The following CHST9 variants were observed in gnomAD, a reference collection of about 807,000 sequenced individuals.
The protein encoded by CHST9 is GalNAc-4-sulfotransferase 2.
In CHST9, 41 loss-of-function variants were observed where a neutral mutation model predicts 44.4. The ratio of observed to expected loss-of-function variants is 0.92; its 90% CI spans 0.72 to 1.20. The LOEUF is 1.20. Ranked by LOEUF, CHST9 falls within the 50% of genes most tolerant of loss-of-function variation. The pLI, the probability that CHST9 is intolerant of heterozygous loss-of-function variation, is 0.00. For synonymous variants in CHST9, 171 were observed against 178.4 expected, an observed-to-expected ratio of 0.96 and a Z score of 0.33; for missense variants, 504 against 516.5, an observed-to-expected ratio of 0.98 and a Z score of 0.23.
intron 2 of CHST9, among the ~76,000 whole-genome samples, chr18:27,053,259 AAGGAGAAGGAGAAGGAGAAGGAGAAGG>A (rs1242932917): frequency 1.8e-4 from 13 of 70,916 alleles, no homozygotes; most frequent in African/African-American, 4.3e-4. Context: ...GAAGAAGAAG[AAGGAGAAGGAGAAGGAGAAGGAGAAGG>A]AGAAGGAGAA....
chr18:26,943,594 A>G (rs907930583), intron 5 of CHST9, among the ~76,000 whole-genome samples: 2 of 152,230 alleles, frequency 1.3e-5, no homozygotes, highest in Admixed American at 1.3e-4. Flanking sequence ...CCACAGGTCA[A>G]TGTCTGCATT....
At chr18:26,976,775 G>T (rs1364913431) in intron 4 of CHST9, among the ~76,000 whole-genome samples, 1 of 152,074 alleles carries the variant, frequency 6.6e-6, no homozygotes, top group Non-Finnish European at 1.5e-5. Flanking sequence ...AAGGAAGCTG[G>T]GGACAGGGGG....
At position 26,992,627 on chromosome 18, in the gene CHST9, T is replaced by G. The variant is rs901826259; in HGVS notation, c.202+31489A>C. 1.3e-4 allele frequency among the ~76,000 whole-genome samples: 20 copies of G among 152,260 alleles called. No individual in the cohort carries two copies. In the East Asian group the frequency reaches 3.3e-3, roughly 25 times the overall value. On this transcript the variant is annotated intron_variant, in intron 4 of 5. Coordinates refer to ENST00000618847, the MANE Select transcript of CHST9 (RefSeq NM_031422.6). ...ATTGCTTTGAAATTCTTTCTTTTTT[T>G]TTTTTAAAGGAATGTGATTTTGTGT...
At chr18:27,162,501 T>C (rs568275836) in intron 1 of CHST9, among the ~76,000 whole-genome samples, 1 of 152,322 alleles carries the variant, frequency 6.6e-6, no homozygotes, top group East Asian at 1.9e-4. Context: ...TGGGCTTCCC[T>C]TTGTGGGTAA....
At chr18:27,144,578 C>A (rs1394926964) in intron 1 of CHST9, among the ~76,000 whole-genome samples, 2 of 152,058 alleles carry the variant, frequency 1.3e-5, no homozygotes. Context: ...GTCCCAGATA[C>A]TGGAAAGCCT....
chr18:26,962,681 C>A (rs1478818375), intron 4 of CHST9, among the ~76,000 whole-genome samples: 1 of 152,136 alleles, frequency 6.6e-6, no homozygotes, highest in African/African-American at 2.4e-5. Flanking sequence ...ATAGTTGGTG[C>A]CTTTCACCTG....
chr18:26,922,094 G>T (rs2145061110), intron 5 of CHST9, among the ~76,000 whole-genome samples: 1 of 152,170 alleles, frequency 6.6e-6, no homozygotes, highest in East Asian at 1.9e-4. Context: ...TAGTATCAGT[G>T]AACGTCCCCA....
chr18:26,977,175 A>G (rs2056633371), intron 4 of CHST9, among the ~76,000 whole-genome samples: 1 of 152,138 alleles, frequency 6.6e-6, no homozygotes, highest in Non-Finnish European at 1.5e-5. Flanking sequence ...ACTTGCCAAT[A>G]TATAAAGCCT....
intron 1 of CHST9, among the ~76,000 whole-genome samples, chr18:27,160,489 A>G (rs2058737134): frequency 6.6e-6 from 1 of 152,122 alleles, no homozygotes; most frequent in African/African-American, 2.4e-5. Context: ...AAGCTTCTTG[A>G]TGTTCTGCTG....
chr18:26,964,590 GC>G (rs1470348204), intron 4 of CHST9, among the ~76,000 whole-genome samples: 31 of 152,342 alleles, frequency 2.0e-4, no homozygotes, highest in African/African-American at 7.0e-4. Flanking sequence ...CTCTGTATTT[GC>G]CCCCTGGCTT....
intron 2 of CHST9, among the ~76,000 whole-genome samples, chr18:27,067,536 TG>T (rs2057795306): frequency 6.6e-6 from 1 of 152,210 alleles, no homozygotes; most frequent in Non-Finnish European, 1.5e-5. Context: ...TCAATTTTAA[TG>T]GTGGGATAGT....
chr18:27,145,253 G>A (rs529178075), intron 1 of CHST9, among the ~76,000 whole-genome samples: 19 of 152,166 alleles, frequency 1.2e-4, no homozygotes, highest in East Asian at 3.9e-4. Flanking sequence ...GTGCAGTGCC[G>A]CAATCTTGGC....
At chr18:27,119,319 G>C (rs1321342934) in intron 2 of CHST9, among the ~76,000 whole-genome samples, 1 of 152,066 alleles carries the variant, frequency 6.6e-6, no homozygotes, top group Non-Finnish European at 1.5e-5. Flanking sequence ...TATAGAAAAA[G>C]GTGTAACATT....
intron 1 of CHST9, among the ~76,000 whole-genome samples, chr18:27,173,889 A>T (rs1219389128): frequency 1.3e-5 from 2 of 152,052 alleles, no homozygotes; most frequent in Non-Finnish European, 2.9e-5. Context: ...CTTTATCTAG[A>T]TGTAAAAATT....
chr18:27,033,080 T>C (rs2057357467), intron 3 of CHST9, among the ~76,000 whole-genome samples: 2 of 152,224 alleles, frequency 1.3e-5, no homozygotes, highest in Non-Finnish European at 1.5e-5. Context: ...AATTCATTTG[T>C]AAAATTAAAA....
intron 2 of CHST9, among the ~76,000 whole-genome samples, chr18:27,091,843 T>G (rs1321729192): frequency 6.6e-6 from 1 of 152,188 alleles, no homozygotes; most frequent in Non-Finnish European, 1.5e-5. Context: ...CTGGATTTGG[T>G]TTGCCAGTAT....
chr18:27,101,839 T>C (rs1396785908), intron 2 of CHST9, among the ~76,000 whole-genome samples: 1 of 152,174 alleles, frequency 6.6e-6, no homozygotes, highest in Admixed American at 6.5e-5. Flanking sequence ...AGTCATCATG[T>C]CAAATCAAAA....
chr18:27,016,639 TA>T (rs2057157977), intron 4 of CHST9, among the ~76,000 whole-genome samples: 1 of 152,198 alleles, frequency 6.6e-6, no homozygotes, highest in Admixed American at 6.5e-5. Context: ...CAATAAACAC[TA>T]ATCAAAGGAA....
intron 2 of CHST9, among the ~76,000 whole-genome samples, chr18:27,064,216 G>A (rs1334423524): frequency 2.0e-5 from 3 of 150,756 alleles, no homozygotes; most frequent in African/African-American, 7.3e-5. Flanking sequence ...AAAAGGTGAA[G>A]AAAAATGTTA....
Sources: gnomAD v4.1 joint callset for allele counts (sites outside exome capture counted in the v4.1 genomes callset) on GRCh38, gnomAD v4.1.1 for gene constraint, MANE v1.5 for transcripts, NCBI Gene and HGNC (gene_info 2026-07-23, HGNC 2026-07-21) for gene names.